TCF24: variants seen among roughly 807,000 people sequenced by gnomAD.
The protein encoded by TCF24 is transcription factor 24.
Under a neutral mutation model 9.3 loss-of-function variants are expected in TCF24, and 5 were observed. That is an observed-to-expected ratio of 0.54 (90% CI 0.28 to 1.13). The LOEUF is 1.13. TCF24 is among the 50% of genes most tolerant of loss of function. The pLI, the probability that TCF24 is intolerant of heterozygous loss-of-function variation, is 0.09. For missense variants in TCF24, 220 were observed against 236.1 expected (o/e 0.93, Z 0.45); for synonymous variants, 110 against 115.8 (o/e 0.95, Z 0.32).
rs1368263337 is a variant in TCF24 at position 66,961,933 on chromosome 8, G to T, written c.-80C>A. ...AGCGAGCTCGTTTTGCCTGGGACGC[G>T]ATTTGCTTCCGGACGTCTGGGGAGA... On this transcript the variant is annotated 5_prime_UTR_variant, in exon 2 of 4. Transcript: ENST00000563496. 1.1e-5 allele frequency: 5 copies of T among 455,268 alleles called. No individual in the cohort carries two copies. The highest frequency in any genetic ancestry group is 1.5e-5 in the Non-Finnish European group (5 of 337,216). The allele number at this position is 455,268 out of a possible 1,614,324, so 28.2% of individuals were successfully genotyped here. A position where few individuals can be genotyped will look rare whatever the true frequency, so the allele number is the denominator to read the frequency against.
intron 3 of TCF24, among the ~76,000 whole-genome samples, chr8:66,948,704 TA>T: frequency 5.4e-5 from 8 of 146,952 alleles, no homozygotes; most frequent in African/African-American, 2.0e-4. Flanking sequence ...TCTATCTATC[TA>T]TTTTTTTTGA....
In TCF24 at chr8:66,961,581, A is replaced by G. The variant is rs937694215; in HGVS notation, c.185T>C (p.Val62Ala). Residue 62 changes from valine to alanine, a missense_variant, in exon 3 of 4, where the codon GTG becomes GCG. Transcript: ENST00000563496. ...CAGGAAAGCGTGCCGCAGGGTCTGC[A>G]CCCGGCTGCGCTCCCGCGCCGCATT... ...AANAARERSR[V>A]QTLRHAFLEL... The G allele has an allele frequency of 2.5e-5, 35 of 1,421,670 alleles. No homozygotes were observed. Among genetic ancestry groups the G allele is most frequent in the Admixed American group, 8.0e-5 (3 of 37,684 alleles). 88.1% of individuals were successfully genotyped at this position (1,421,670 alleles called of 1,614,324 possible).
chr8:66,957,756 C>G (rs933806533), intron 3 of TCF24, among the ~76,000 whole-genome samples: 2 of 151,962 alleles, frequency 1.3e-5, no homozygotes, highest in African/African-American at 4.8e-5. Context: ...GCATAAAAAT[C>G]TCATGCTCAA....
In TCF24 at chr8:66,949,471, A is replaced by G. The variant is rs372648798; in HGVS notation, c.391-1307T>C. On this transcript the variant is annotated intron_variant, in intron 3 of 3. Coordinates refer to ENST00000563496, the MANE Select transcript of TCF24 (RefSeq NM_001193502.2). ...ATGGCTGCATAGTATTCCATGGTGT[A>G]TATGTGACAAATTTTCTTAATCCAG... Among the ~76,000 whole-genome samples, 1,242 of 152,316 alleles carry G rather than the reference A, an allele frequency of 8.2e-3. 15 individuals are homozygous for G. The highest frequency in any genetic ancestry group is 0.029 in the African/African-American group (1,187 of 41,540).
At chr8:66,958,586 G>A (rs1814204747) in intron 3 of TCF24, among the ~76,000 whole-genome samples, 1 of 152,128 alleles carries the variant, frequency 6.6e-6, no homozygotes, top group Non-Finnish European at 1.5e-5. Flanking sequence ...ACTTGAACAT[G>A]GGAGACGGAG....
Position 66,947,899 on chromosome 8 carries a change from C to T in TCF24, c.*152G>A. ...TTATATAACACTGATTATTTCATTC[C>T]ACATTTAGACAGATAAACCTGAACA... On this transcript the variant is annotated 3_prime_UTR_variant, in exon 4 of 4. Transcript: ENST00000563496. 1.8e-6 allele frequency: 1 copy of T among 542,280 alleles called. No individual in the cohort carries two copies. Among genetic ancestry groups the T allele is most frequent in the East Asian group, 3.0e-5 (1 of 33,374 alleles). 33.6% of individuals were successfully genotyped at this position (542,280 alleles called of 1,614,324 possible).
rs1814266129 is a variant in TCF24 at position 66,962,007 on chromosome 8, C to G, written c.-134-20G>C. On this transcript the variant is annotated intron_variant, in intron 1 of 3. Transcript: ENST00000563496. ...GGCTTCCTAGAAGGATAAGAAGAGG[C>G]GCAGTGCCGGCTTTGCTTTTCAGGG... 5.7e-6 allele frequency: 1 copy of G among 176,798 alleles called. No individual in the cohort carries two copies. Among genetic ancestry groups the G allele is most frequent in the East Asian group, 1.5e-4 (1 of 6,540 alleles). 11.0% of individuals were successfully genotyped at this position (176,798 alleles called of 1,614,324 possible). A position where few individuals can be genotyped will look rare whatever the true frequency, so the allele number is the denominator to read the frequency against.
rs556821807 is a variant in TCF24 at position 66,955,441 on chromosome 8, G to C, written c.390+5935C>G. ...AATCTGGTCCCACACTCTCCAGGGA[G>C]CAAGTGCTGCCTTATGTAAGCAGGC... On this transcript the variant is annotated intron_variant, in intron 3 of 3. Transcript: ENST00000563496. Among the ~76,000 whole-genome samples the C allele has an allele frequency of 4.8e-4, 73 of 151,650 alleles. 1 individual carries two copies. Among genetic ancestry groups the C allele is most frequent in the African/African-American group, 1.4e-3 (59 of 41,352 alleles).
rs1355472476 is a variant in TCF24, at chr8:66,960,294, A to C, written c.390+1082T>G. Among the ~76,000 whole-genome samples, 3 of 152,184 alleles carry C rather than the reference A, an allele frequency of 2.0e-5. No individual in the cohort carries two copies. The East Asian group carries it at 5.8e-4, about 29-fold the overall frequency. ...CATTATGATTATATTTGCAAAGTAA[A>C]TTTTGTTAAAACTTATCACAGAATT... On this transcript the variant is annotated intron_variant, in intron 3 of 3. Coordinates refer to ENST00000563496, the MANE Select transcript of TCF24 (RefSeq NM_001193502.2).
rs1814263826 is a variant in TCF24 at position 66,961,891 on chromosome 8, G to A, written c.-38C>T. On this transcript the variant is annotated 5_prime_UTR_variant, in exon 2 of 4. Transcript: ENST00000563496. ...CGTGCGCCCACCAGCAGCCCAACGGGGCTAAGGGCGCTCTCAAGCGAGCTC... is the reference window on the plus strand; with the variant it reads ...CGTGCGCCCACCAGCAGCCCAACGGAGCTAAGGGCGCTCTCAAGCGAGCTC... 1 of 822,100 alleles carries A rather than the reference G, an allele frequency of 1.2e-6. No individual in the cohort carries two copies. Among genetic ancestry groups the A allele is most frequent in the Non-Finnish European group, 1.5e-6 (1 of 675,538 alleles). 50.9% of individuals were successfully genotyped at this position (822,100 alleles called of 1,614,324 possible).
chr8:66,954,313 G>T (rs1027829252), intron 3 of TCF24, among the ~76,000 whole-genome samples: 1 of 151,858 alleles, frequency 6.6e-6, no homozygotes, highest in Non-Finnish European at 1.5e-5. Context: ...CCTTCTAACA[G>T]ACAGGACCCT....
chr8:66,957,954 G>A (rs1367008208), intron 3 of TCF24, among the ~76,000 whole-genome samples: 1 of 149,484 alleles, frequency 6.7e-6, no homozygotes, highest in Non-Finnish European at 1.5e-5. Context: ...AGCCAAGTGT[G>A]GAGACAAATG....
rs902288843 is a variant in TCF24, at chr8:66,947,332, A to G, written c.*719T>C. 1.3e-5 allele frequency: 2 copies of G among 152,220 alleles called. No individual in the cohort carries two copies. Among genetic ancestry groups the G allele is most frequent in the African/African-American group, 4.8e-5 (2 of 41,432 alleles). 9.4% of individuals were successfully genotyped at this position (152,220 alleles called of 1,614,324 possible). On this transcript the variant is annotated 3_prime_UTR_variant, in exon 4 of 4. Transcript: ENST00000563496. ...CTCCATCTCTACAAAAAATAAAAGAATTAGCCAGGTGTGGTGACATGCACC... is the reference window on the plus strand; with the variant it reads ...CTCCATCTCTACAAAAAATAAAAGAGTTAGCCAGGTGTGGTGACATGCACC...
In TCF24 at chr8:66,948,704, T is replaced by TA. The variant is rs1295570501; in HGVS notation, c.391-541dup. On this transcript the variant is annotated intron_variant, in intron 3 of 3. Transcript: ENST00000563496. ...CTATCTATCTATCTATCTATCTATC[T>TA]ATTTTTTTTGAGACGGAGTCTCGCT... Among the ~76,000 whole-genome samples, 3 of 147,054 alleles carry TA rather than the reference T, an allele frequency of 2.0e-5. No individual in the cohort carries two copies. The East Asian group carries it at 5.9e-4, about 29-fold the overall frequency.
chr8:66,956,922 G>A (rs1046946300), intron 3 of TCF24, among the ~76,000 whole-genome samples: 1 of 151,682 alleles, frequency 6.6e-6, no homozygotes. Context: ...GAGGAGAATC[G>A]GGCCGGGGGC....
chr8:66,948,490 A>G (rs538326639), intron 3 of TCF24, among the ~76,000 whole-genome samples: 57 of 152,344 alleles, frequency 3.7e-4, no homozygotes, highest in African/African-American at 1.3e-3. Flanking sequence ...TTTTAAACTA[A>G]ACCTAAAACA....
At chr8:66,953,714 C>T (rs1427838013) in intron 3 of TCF24, among the ~76,000 whole-genome samples, 1 of 152,018 alleles carries the variant, frequency 6.6e-6, no homozygotes, top group Non-Finnish European at 1.5e-5. Flanking sequence ...TCCATTCTCC[C>T]CGTCACTTTC....
Position 66,946,942 on chromosome 8 carries a change from A to G in TCF24, c.*1109T>C, listed in dbSNP as rs1246699717. 6.6e-6 allele frequency: 1 copy of G among 152,184 alleles called. No individual in the cohort carries two copies. Among genetic ancestry groups the G allele is most frequent in the African/African-American group, 2.4e-5 (1 of 41,452 alleles). 9.4% of individuals were successfully genotyped at this position (152,184 alleles called of 1,614,324 possible). On this transcript the variant is annotated 3_prime_UTR_variant, in exon 4 of 4. Transcript: ENST00000563496. Reference sequence around the variant, plus strand: ...ACAATTCAGTTTGAGGTAACTTTGAAGAAGTTTTGATTTCATTCCTTAGGA... The same window carrying G: ...ACAATTCAGTTTGAGGTAACTTTGAGGAAGTTTTGATTTCATTCCTTAGGA...
At chr8:66,955,541 G>C (rs1180672400) in intron 3 of TCF24, among the ~76,000 whole-genome samples, 2 of 152,118 alleles carry the variant, frequency 1.3e-5, no homozygotes, top group Non-Finnish European at 2.9e-5. Context: ...TTAAATGCCT[G>C]GTAGATAATC....
Sources: gnomAD v4.1 joint callset for allele counts (sites outside exome capture counted in the v4.1 genomes callset) on GRCh38, gnomAD v4.1.1 for gene constraint, MANE v1.5 for transcripts, NCBI Gene and HGNC (gene_info 2026-07-23, HGNC 2026-07-21) for gene names.